Variants in KIDINS220 observed in about 807,000 individuals in gnomAD.
KIDINS220 encodes the protein kinase D interacting substrate 220, also known as kinase D-interacting substrate of 220 kDa.
Under a neutral mutation model 157.6 loss-of-function variants are expected in KIDINS220, and 63 were observed. The ratio of observed to expected loss-of-function variants is 0.40; its 90% CI spans 0.33 to 0.49. KIDINS220 has a LOEUF of 0.49. Among genes scored for constraint, KIDINS220 ranks in the 20% least tolerant of loss-of-function variants. KIDINS220 has a pLI of 0.66. For synonymous variants in KIDINS220, 732 were observed against 783.6 expected, an observed-to-expected ratio of 0.93 and a Z score of 1.10; for missense variants, 1,772 against 2,171.2, an observed-to-expected ratio of 0.82 and a Z score of 3.65.
At chr2:8,792,435 G>A (rs1351959076) in intron 12 of KIDINS220, among the ~76,000 whole-genome samples, 1 of 151,954 alleles carries the variant, frequency 6.6e-6, no homozygotes, top group Non-Finnish European at 1.5e-5. Flanking sequence ...GTGGGCAAAG[G>A]ATACAAAAAG....
chr2:8,808,995 T>C (rs1226838938), intron 6 of KIDINS220, among the ~76,000 whole-genome samples: 3 of 143,192 alleles, frequency 2.1e-5, no homozygotes, highest in Admixed American at 1.5e-4. Flanking sequence ...TCCAGATCTA[T>C]GTATCTTTTT....
chr2:8,759,997 T>C (rs1220166041), intron 22 of KIDINS220, among the ~76,000 whole-genome samples: 1 of 152,210 alleles, frequency 6.6e-6, no homozygotes, highest in Non-Finnish European at 1.5e-5. Flanking sequence ...AGCGGGTACC[T>C]GCTCCTGACT....
intron 29 of KIDINS220, 45 bp downstream of exon 29, chr2:8,733,399 T>A: frequency 6.8e-7 from 1 of 1,463,766 alleles, no homozygotes; most frequent in Non-Finnish European, 9.5e-7. Flanking sequence ...AACTGAACGG[T>A]GTGCTTATTC....
At chr2:8,768,932 C>G (rs1199812212) in intron 22 of KIDINS220, among the ~76,000 whole-genome samples, 1 of 151,946 alleles carries the variant, frequency 6.6e-6, no homozygotes, top group Non-Finnish European at 1.5e-5. Flanking sequence ...TTTTCTCTTC[C>G]TTAGACTAGC....
In KIDINS220 at chr2:8,733,531, C is replaced by T. The variant is rs371285385; in HGVS notation, c.3966G>A (p.Thr1322=). ...ELPHTELSSQ[T]PYTLNFSFEE... ...CGAAGCTGAAGTTGAGTGTGTAGGG[C>T]GTCTGGCTGGAGAGCTCGGTGTGAG... Residue 1322 remains threonine, a synonymous_variant, in exon 29 of 30, where the codon ACG becomes ACA. Coordinates refer to ENST00000256707, the MANE Select transcript of KIDINS220 (RefSeq NM_020738.4). 19 of 1,613,978 alleles carry T rather than the reference C, an allele frequency of 1.2e-5. No homozygotes were observed. Among genetic ancestry groups the T allele is most frequent in the East Asian group, 8.9e-5 (4 of 44,900 alleles).
At chr2:8,734,237 G>A (rs1430196684) in intron 28 of KIDINS220, among the ~76,000 whole-genome samples, 2 of 152,138 alleles carry the variant, frequency 1.3e-5, no homozygotes, top group African/African-American at 2.4e-5. Flanking sequence ...TTAGTGAGGC[G>A]TTTGATCAAA....
At chr2:8,764,701 G>A (rs143049496) in intron 22 of KIDINS220, among the ~76,000 whole-genome samples, 1 of 152,170 alleles carries the variant, frequency 6.6e-6, no homozygotes, top group Non-Finnish European at 1.5e-5. Context: ...TATCTGGATG[G>A]ACGGTATTCT....
At chr2:8,768,436 T>A (rs746110221) in intron 22 of KIDINS220, among the ~76,000 whole-genome samples, 4 of 152,184 alleles carry the variant, frequency 2.6e-5, no homozygotes, top group African/African-American at 9.7e-5. Context: ...GTATCAAATG[T>A]CATTTGTTAA....
At chr2:8,819,178 T>C (rs1261297733) in intron 2 of KIDINS220, among the ~76,000 whole-genome samples, 2 of 152,172 alleles carry the variant, frequency 1.3e-5, no homozygotes, top group East Asian at 3.8e-4. Flanking sequence ...TGTTTTTAAT[T>C]ATATATATGT....
chr2:8,825,021 A>AG (rs1390118979), intron 2 of KIDINS220, among the ~76,000 whole-genome samples: 1 of 152,148 alleles, frequency 6.6e-6, no homozygotes, highest in Non-Finnish European at 1.5e-5. Context: ...GGGTTTAGGG[A>AG]GAGGGGGAAA....
intron 26 of KIDINS220, chr2:8,737,287 C>T (rs1031367517): frequency 1.7e-5 from 4 of 232,994 alleles, no homozygotes; most frequent in Non-Finnish European, 3.4e-5. Context: ...TGTTTACTGC[C>T]TAATCTCAAG....
In KIDINS220 at chr2:8,747,835, T is replaced by C. The variant is rs73912897; in HGVS notation, c.3528+52A>G. On this transcript the variant is annotated intron_variant, in intron 25 of 29. Coordinates refer to ENST00000256707, the MANE Select transcript of KIDINS220 (RefSeq NM_020738.4). ...AAGGAAATAACCAAACCTCAAATGC[T>C]ATCTATGTTTATTATTAAATTAATA... The C allele has an allele frequency of 1.1e-3, 1,313 of 1,150,886 alleles. 8 individuals carry two copies. In the African/African-American group the frequency reaches 0.017, roughly 15 times the overall value. 71.3% of individuals were successfully genotyped at this position (1,150,886 alleles called of 1,614,324 possible). A position where few individuals can be genotyped will look rare whatever the true frequency, so the allele number is the denominator to read the frequency against.
chr2:8,745,622 C>A (rs900319502), intron 26 of KIDINS220, among the ~76,000 whole-genome samples: 1 of 152,046 alleles, frequency 6.6e-6, no homozygotes, highest in East Asian at 1.9e-4. Context: ...CATGGTGAAA[C>A]CCCATCGCTA....
At chr2:8,803,242 C>A (rs1409051152) in intron 7 of KIDINS220, 115 bp from the exon 8 acceptor site, 2 of 872,610 alleles carry the variant, frequency 2.3e-6, no homozygotes, top group Non-Finnish European at 3.4e-6. Flanking sequence ...AATAGGTGGC[C>A]TATTATTGTC....
chr2:8,826,197 AGT>A (rs1382783383), intron 2 of KIDINS220, among the ~76,000 whole-genome samples: 1 of 152,272 alleles, frequency 6.6e-6, no homozygotes, highest in African/African-American at 2.4e-5. Context: ...AATGTTTATT[AGT>A]GTGTTACTAA....
chr2:8,814,302 G>A (rs559860570), intron 4 of KIDINS220, among the ~76,000 whole-genome samples: 79 of 152,220 alleles, frequency 5.2e-4, no homozygotes, highest in Non-Finnish European at 1.0e-3. Context: ...TAAGTATGGA[G>A]CATCTTAAAA....
chr2:8,788,044 T>G (rs982129443), intron 15 of KIDINS220, among the ~76,000 whole-genome samples: 1 of 152,124 alleles, frequency 6.6e-6, no homozygotes, highest in Non-Finnish European at 1.5e-5. Context: ...CAAAAGATGG[T>G]AACAGGTGAC....
chr2:8,780,825 A>C (rs142121311), intron 17 of KIDINS220, among the ~76,000 whole-genome samples: 13 of 152,146 alleles, frequency 8.5e-5, no homozygotes, highest in Non-Finnish European at 1.8e-4. Flanking sequence ...ATCATAAAAA[A>C]ATGCTCAATA....
intron 29 of KIDINS220, among the ~76,000 whole-genome samples, chr2:8,732,797 C>T (rs990634437): frequency 2.6e-5 from 4 of 152,176 alleles, no homozygotes; most frequent in Admixed American, 1.3e-4. Context: ...GTGTTACTCG[C>T]TGCCGCCCGC....
Sources: gnomAD v4.1 joint callset for allele counts (sites outside exome capture counted in the v4.1 genomes callset) on GRCh38, gnomAD v4.1.1 for gene constraint, MANE v1.5 for transcripts, NCBI Gene and HGNC (gene_info 2026-07-23, HGNC 2026-07-21) for gene names.